Variants in CACNA1B observed in about 807,000 individuals in gnomAD.
The protein encoded by CACNA1B is voltage-dependent N-type calcium channel subunit alpha-1B.
Under a neutral mutation model 247.2 loss-of-function variants are expected in CACNA1B, and 70 were observed. The observed-to-expected ratio is 0.28, with a 90% CI of 0.23 to 0.35. CACNA1B has a LOEUF of 0.35. CACNA1B is among the 10% of genes least tolerant of loss of function. The pLI is 1.00. For missense variants in CACNA1B, 2,367 were observed against 3,197.4 expected (o/e 0.74, Z 6.26); for synonymous variants, 1,231 against 1,294.4 (o/e 0.95, Z 1.05).
At chr9:138,094,457 A>AAAAAAAAAAAAAAAAAAAAAAGAAGAAG (rs752912258) in intron 36 of CACNA1B, among the ~76,000 whole-genome samples, 4 of 134,892 alleles carry the variant, frequency 3.0e-5, no homozygotes, top group Admixed American at 7.3e-5. Context: ...AAAAAAAAAA[A>AAAAAAAAAAAAAAAAAAAAAAGAAGAAG]AAGAAGAAGA....
chr9:137,983,522 C>G (rs1958318032), intron 12 of CACNA1B, among the ~76,000 whole-genome samples: 2 of 152,128 alleles, frequency 1.3e-5, no homozygotes, highest in South Asian at 4.2e-4. Flanking sequence ...CAAATTCCAG[C>G]TCACCAACAT....
In CACNA1B at chr9:137,877,822, G is replaced by T; in HGVS notation, c.-112G>T. On this transcript the variant is annotated 5_prime_UTR_variant, in exon 1 of 47. Transcript: ENST00000371372. ...GGCTGCGGCGGTGGGGCCGGGCGAGGTCCGCTGCGGTCCCGGCGGCTCCGT... is the reference window on the plus strand; with the variant it reads ...GGCTGCGGCGGTGGGGCCGGGCGAGTTCCGCTGCGGTCCCGGCGGCTCCGT... The T allele has an allele frequency of 3.7e-6, 2 of 533,466 alleles. No individual in the cohort carries two copies. The highest frequency in any genetic ancestry group is 4.8e-6 in the Non-Finnish European group (2 of 416,992). 33.0% of individuals were successfully genotyped at this position (533,466 alleles called of 1,614,324 possible). A position where few individuals can be genotyped will look rare whatever the true frequency, so the allele number is the denominator to read the frequency against.
At chr9:137,946,855 C>T (rs761678868) in intron 6 of CACNA1B, among the ~76,000 whole-genome samples, 22 of 152,212 alleles carry the variant, frequency 1.4e-4, no homozygotes, top group Non-Finnish European at 2.6e-4. Context: ...TTGGGCTTGC[C>T]TCCTGGCTGG....
Position 138,122,066 on chromosome 9 carries a change from C to A in CACNA1B, c.*67C>A. 7.0e-7 allele frequency: 1 copy of A among 1,426,652 alleles called. No homozygotes were observed. The allele number at this position is 1,426,652 out of a possible 1,614,324, so 88.4% of individuals were successfully genotyped here. On this transcript the variant is annotated 3_prime_UTR_variant, in exon 47 of 47. Transcript: ENST00000371372. ...TGTTCCAGTGGATGAGTTTTATCATCCACACGGGGCAGCCGGCCCTCGGGG... is the reference window on the plus strand; with the variant it reads ...TGTTCCAGTGGATGAGTTTTATCATACACACGGGGCAGCCGGCCCTCGGGG...
At chr9:138,001,115 A>G (rs1373513123) in intron 15 of CACNA1B, among the ~76,000 whole-genome samples, 1 of 152,246 alleles carries the variant, frequency 6.6e-6, no homozygotes, top group Non-Finnish European at 1.5e-5. Context: ...TGTTCATTCT[A>G]GTAATACAAG....
intron 3 of CACNA1B, among the ~76,000 whole-genome samples, chr9:137,900,444 G>T (rs1372094399): frequency 2.6e-5 from 4 of 152,060 alleles, no homozygotes; most frequent in Admixed American, 2.6e-4. Context: ...TGCGCCGTGT[G>T]TCTCTGTGTC....
At chr9:138,069,473 T>C (rs537189880) in intron 31 of CACNA1B, among the ~76,000 whole-genome samples, 17 of 152,184 alleles carry the variant, frequency 1.1e-4, no homozygotes, top group Non-Finnish European at 1.9e-4. Context: ...CAAAAATATG[T>C]TTTGATCTGA....
chr9:138,023,943 C>T (rs1958887209), intron 19 of CACNA1B, 132 bp downstream of exon 19: 3 of 601,456 alleles, frequency 5.0e-6, no homozygotes, highest in Non-Finnish European at 5.9e-6. Flanking sequence ...CCAGAGCCGT[C>T]GGGGCTGGGG....
At chr9:137,945,192 C>G (rs1197113279) in intron 6 of CACNA1B, among the ~76,000 whole-genome samples, 1 of 152,158 alleles carries the variant, frequency 6.6e-6, no homozygotes, top group Non-Finnish European at 1.5e-5. Flanking sequence ...GAAAATCAGA[C>G]GTTTTCTCCT....
Position 138,118,006 on chromosome 9 carries a change from T to G in CACNA1B, c.5838T>G (p.Asp1946Glu), listed in dbSNP as rs776972053. 2 of 1,600,368 alleles carry G rather than the reference T, an allele frequency of 1.2e-6. No homozygotes were observed. The highest frequency in any genetic ancestry group is 1.7e-5 in the Admixed American group (1 of 58,834). Residue 1946 changes from aspartate to glutamate, a missense_variant, in exon 43 of 47, where the codon GAT (aspartate) becomes GAG (glutamate). This residue lies in a region of CACNA1B where 773 missense variants were observed against 779.4 expected (regional missense o/e 0.99). Transcript: ENST00000371372. The stretch of plus-strand genomic sequence containing the variant: ...CCTGGGGCACTCAAAGGACCCAGGA[T>G]GCACCCCATGAGGCCAGGCCACCCC... ...SVSWGTQRTQ[D>E]APHEARPPLE...
At chr9:138,053,252 C>G (rs1434487582) in intron 25 of CACNA1B, among the ~76,000 whole-genome samples, 1 of 152,232 alleles carries the variant, frequency 6.6e-6, no homozygotes, top group African/African-American at 2.4e-5. Context: ...GTTTCTGTGG[C>G]TGAACTCTGA....
At chr9:137,935,494 A>G (rs1158236378) in intron 6 of CACNA1B, among the ~76,000 whole-genome samples, 1 of 152,200 alleles carries the variant, frequency 6.6e-6, no homozygotes, top group South Asian at 2.1e-4. Context: ...TTTCTAATCC[A>G]GTCTATCATT....
Position 138,043,831 on chromosome 9 carries a change from A to T in CACNA1B, c.3344A>T (p.Asp1115Val), listed in dbSNP as rs1959162548. The change falls in exon 21 of 47, where the codon GAC becomes GTC. Residue 1115 changes from aspartate (D) to valine (V), a missense_variant. Physicochemically the swap from Asp to Val is radical, Grantham distance 152. Transcript: ENST00000371372. ...AEGKKEVEAD[D>V]VMRSGPRPIV... ...GGGAAGAAGGAGGTGGAAGCGGATG[A>T]CGTGATGAGGAGCGGCCCCCGGCCT... 6.2e-7 allele frequency: 1 copy of T among 1,613,830 alleles called. No individual in the cohort carries two copies. The highest frequency in any genetic ancestry group is 1.7e-5 in the Admixed American group (1 of 60,010).
At chr9:138,076,399 G>A (rs1378543268) in intron 35 of CACNA1B, among the ~76,000 whole-genome samples, 2 of 152,190 alleles carry the variant, frequency 1.3e-5, no homozygotes, top group Admixed American at 1.3e-4. Flanking sequence ...GTGGCCCAAG[G>A]AACCCAACTG....
chr9:138,063,944 G>A (rs571101330), intron 31 of CACNA1B, among the ~76,000 whole-genome samples: 15 of 152,226 alleles, frequency 9.9e-5, no homozygotes, highest in African/African-American at 2.9e-4. Flanking sequence ...CTATTGTTAT[G>A]TCTACTTCAC....
In CACNA1B at chr9:137,882,694, A is replaced by G. The variant is rs751907997; in HGVS notation, c.391-50A>G. On this transcript the variant is annotated intron_variant, in intron 2 of 46. Transcript: ENST00000371372. The surrounding 1 kb of genome is among the most constrained non-coding windows in gnomAD (Gnocchi z 4.0). ...TCCTCACCAACCGTCTCTGCCCGCTACTACACCGGGTAGGGGCCAGGGGTG... is the reference window on the plus strand; with the variant it reads ...TCCTCACCAACCGTCTCTGCCCGCTGCTACACCGGGTAGGGGCCAGGGGTG... 14 of 1,609,302 alleles carry G rather than the reference A, an allele frequency of 8.7e-6. No individual in the cohort carries two copies. In the South Asian group the frequency reaches 1.3e-4, roughly 15 times the overall value.
Position 138,114,430 on chromosome 9 carries a change from C to G in CACNA1B, c.5589C>G (p.Phe1863Leu), listed in dbSNP as rs758964791. 1 of 1,595,122 alleles carries G rather than the reference C, an allele frequency of 6.3e-7. No homozygotes were observed. The highest frequency in any genetic ancestry group is 8.5e-7 in the Non-Finnish European group (1 of 1,170,162). ...KVYAALMIFD[F>L]YKQNKTTRDQ... ...ATGCAGCTCTGATGATATTCGACTT[C>G]TACAAGCAGAACAAAACCACCAGAG... The change falls in exon 41 of 47, where the codon TTC (phenylalanine) becomes TTG (leucine). Residue 1863 changes from phenylalanine to leucine, a missense_variant. Phe to Leu is a conservative substitution (Grantham distance 22, BLOSUM62 0). Transcript: ENST00000371372.
chr9:137,916,405 T>C (rs894480001), intron 5 of CACNA1B, among the ~76,000 whole-genome samples: 12 of 152,196 alleles, frequency 7.9e-5, no homozygotes, highest in Non-Finnish European at 1.5e-4. Flanking sequence ...AACGTGCTGC[T>C]TGCTATCTTG....
chr9:137,950,678 T>G lies in CACNA1B; in HGVS notation c.967-1596T>G, dbSNP rs1957868324. On this transcript the variant is annotated intron_variant, in intron 6 of 46. Transcript: ENST00000371372. This position sits in a 1 kb window ranked among gnomAD's most constrained non-coding sequence, Gnocchi z 4.8. The stretch of plus-strand genomic sequence containing the variant: ...AGCTGGCTTTTGCTGGTACTTTTTT[T>G]GGTCGTCTGTGCCCCTTGGGCATTT... Among the ~76,000 whole-genome samples, 1 of 152,200 alleles carries G rather than the reference T, an allele frequency of 6.6e-6. No individual in the cohort carries two copies. The highest frequency in any genetic ancestry group is 2.1e-4 in the South Asian group (1 of 4,836).
Sources: gnomAD v4.1 joint callset for allele counts (sites outside exome capture counted in the v4.1 genomes callset) on GRCh38, gnomAD v4.1.1 for gene constraint, gnomAD v4.1.1 regional missense constraint, Gnocchi (gnomAD v3.1) non-coding constraint, MANE v1.5 for transcripts, NCBI Gene and HGNC (gene_info 2026-07-23, HGNC 2026-07-21) for gene names.